Variants in NCALD observed in about 807,000 individuals in gnomAD.
NCALD encodes neurocalcin delta, also known as neurocalcin-delta.
NCALD carries 10 observed loss-of-function variants against 18.6 expected under a neutral mutation model. That is an observed-to-expected ratio of 0.54 (90% CI 0.33 to 0.91). NCALD has a LOEUF of 0.91. Among genes scored for constraint, NCALD ranks in the 40% least tolerant of loss-of-function variants. The pLI is 0.03. For synonymous variants in NCALD, 88 were observed against 87.4 expected, an observed-to-expected ratio of 1.01 and a Z score of -0.04; for missense variants, 184 against 247.6, an observed-to-expected ratio of 0.74 and a Z score of 1.72.
intron 2 of NCALD, among the ~76,000 whole-genome samples, chr8:101,977,365 G>A (rs1460007449): frequency 6.6e-6 from 1 of 152,152 alleles, no homozygotes; most frequent in African/African-American, 2.4e-5. Flanking sequence ...TACCTCTGCT[G>A]AAAAGTTAAA....
At chr8:102,035,602 C>T (rs73281424) in intron 1 of NCALD, among the ~76,000 whole-genome samples, 6,427 of 151,996 alleles carry the variant, frequency 0.042, 440 homozygotes, top group African/African-American at 0.14. Context: ...TCCTGAAGCC[C>T]TCTGCTTGAC....
At chr8:101,820,581 T>C (rs751089375) in intron 4 of NCALD, among the ~76,000 whole-genome samples, 6 of 152,178 alleles carry the variant, frequency 3.9e-5, no homozygotes, top group Non-Finnish European at 7.3e-5. Context: ...AATACCGCTT[T>C]AGAATTTTCT....
chr8:101,802,899 C>CAAAAAAAAA lies in NCALD; in HGVS notation c.-19-83260_-19-83252dup, dbSNP rs34519871. Among the ~76,000 whole-genome samples, 2 of 99,572 alleles carry CAAAAAAAAA rather than the reference C, an allele frequency of 2.0e-5. 1 individual carries two copies. Among genetic ancestry groups the CAAAAAAAAA allele is most frequent in the Non-Finnish European group, 3.8e-5 (2 of 52,452 alleles). The allele number at this position is 99,572 out of a possible 152,430, so 65.3% of individuals were successfully genotyped here. A position where few individuals can be genotyped will look rare whatever the true frequency, so the allele number is the denominator to read the frequency against. ...CTTTGCAATAAATCTTGCTGCTGCT[C>CAAAAAAAAA]AAAAAAAAAAAAAAAAAAAAATGCA... On this transcript the variant is annotated intron_variant, in intron 4 of 6. Transcript: ENST00000311028.
chr8:102,005,865 C>G (rs1821682143), intron 2 of NCALD, among the ~76,000 whole-genome samples: 1 of 101,516 alleles, frequency 9.9e-6, no homozygotes, highest in African/African-American at 3.9e-5. Context: ...ACATCACACA[C>G]TGGGGCCTGT....
intron 3 of NCALD, chr8:101,690,699 A>G: frequency 3.0e-6 from 3 of 985,452 alleles, no homozygotes; most frequent in Non-Finnish European, 3.6e-6. Flanking sequence ...GGATGCATTT[A>G]TTAATTTATT....
At chr8:101,988,167 AG>A (rs58270006) in intron 2 of NCALD, among the ~76,000 whole-genome samples, 8,051 of 60,460 alleles carry the variant, frequency 0.13, 714 homozygotes, top group African/African-American at 0.23. Context: ...AAAAAAAAAA[AG>A]AAAAAAAAAA....
intron 1 of NCALD, among the ~76,000 whole-genome samples, chr8:101,770,329 T>C (rs1045673787): frequency 3.3e-5 from 5 of 152,206 alleles, no homozygotes; most frequent in African/African-American, 1.2e-4. Context: ...ATGCTTGACA[T>C]ACTAGACTAA....
rs1231622118 is a variant in NCALD at position 101,687,987 on chromosome 8, T to C, written c.*1322A>G. ...ACTTGCCCATGTCTTTATGATGAAT[T>C]TGATGACTGCCCAACCTCTGATTCT... On this transcript the variant is annotated 3_prime_UTR_variant, in exon 4 of 4. Transcript: ENST00000220931. 2 of 152,270 alleles carry C rather than the reference T, an allele frequency of 1.3e-5. No individual in the cohort carries two copies. Among genetic ancestry groups the C allele is most frequent in the Non-Finnish European group, 2.9e-5 (2 of 68,082 alleles). The allele number at this position is 152,270 out of a possible 1,614,324, so 9.4% of individuals were successfully genotyped here.
At chr8:102,065,148 G>C (rs566972769) in intron 1 of NCALD, among the ~76,000 whole-genome samples, 35 of 152,172 alleles carry the variant, frequency 2.3e-4, no homozygotes, top group South Asian at 1.7e-3. Context: ...AACAGTTGGA[G>C]AGATGTTCTC....
At chr8:101,868,146 T>C (rs941558152) in intron 4 of NCALD, among the ~76,000 whole-genome samples, 2 of 152,196 alleles carry the variant, frequency 1.3e-5, no homozygotes, top group Admixed American at 6.5e-5. Flanking sequence ...GCTGCTTGCC[T>C]GGCTGTTGGA....
At chr8:101,913,379 C>T (rs140813919) in intron 3 of NCALD, among the ~76,000 whole-genome samples, 12 of 152,274 alleles carry the variant, frequency 7.9e-5, no homozygotes, top group African/African-American at 2.6e-4. Flanking sequence ...CATGTGTATA[C>T]CTTTATCCAA....
chr8:101,774,575 C>CA (rs1255135422), intron 1 of NCALD, among the ~76,000 whole-genome samples: 3 of 152,174 alleles, frequency 2.0e-5, no homozygotes, highest in African/African-American at 7.2e-5. Context: ...GTAGAAAGAG[C>CA]AAAAGAAAGA....
At chr8:102,003,093 T>C (rs1046007854) in intron 2 of NCALD, among the ~76,000 whole-genome samples, 2 of 150,906 alleles carry the variant, frequency 1.3e-5, no homozygotes, top group Non-Finnish European at 2.9e-5. Flanking sequence ...ATCCAGGAGC[T>C]GGTTTCTTGA....
At chr8:102,057,257 T>TAC (rs3085988) in intron 1 of NCALD, among the ~76,000 whole-genome samples, 6,651 of 147,712 alleles carry the variant, frequency 0.045, 217 homozygotes, top group African/African-American at 0.093. Context: ...GGCTAGTTCA[T>TAC]ACACACACAC....
chr8:102,120,968 A>G (rs1210753002), intron 1 of NCALD, among the ~76,000 whole-genome samples: 1 of 152,158 alleles, frequency 6.6e-6, no homozygotes, highest in Non-Finnish European at 1.5e-5. Flanking sequence ...GGTAAAGACT[A>G]TTCCCTAATC....
intron 1 of NCALD, among the ~76,000 whole-genome samples, chr8:101,770,196 A>G (rs1355613288): frequency 2.0e-5 from 3 of 152,196 alleles, no homozygotes; most frequent in South Asian, 2.1e-4. Context: ...GTGCTCTCCA[A>G]CTGGATACCA....
chr8:101,884,867 T>C (rs971395002), intron 4 of NCALD, among the ~76,000 whole-genome samples: 6 of 152,206 alleles, frequency 3.9e-5, no homozygotes, highest in African/African-American at 1.4e-4. Flanking sequence ...CTCTGAATAT[T>C]TGGTGTCTCG....
At chr8:101,979,487 A>T (rs1046656884) in intron 2 of NCALD, among the ~76,000 whole-genome samples, 1 of 152,240 alleles carries the variant, frequency 6.6e-6, no homozygotes, top group Non-Finnish European at 1.5e-5. Flanking sequence ...ATAAAAATAG[A>T]GTCCTATAGC....
chr8:102,050,914 G>A (rs963662242), intron 1 of NCALD, among the ~76,000 whole-genome samples: 2 of 139,444 alleles, frequency 1.4e-5, no homozygotes, highest in Admixed American at 1.4e-4. Context: ...TTATATATAA[G>A]TATATAATTT....
Sources: allele counts gnomAD v4.1 joint callset (sites outside exome capture counted in the v4.1 genomes callset), GRCh38; gene constraint gnomAD v4.1.1; transcripts MANE v1.5; gene names NCBI Gene and HGNC (gene_info 2026-07-23, HGNC 2026-07-21).